ANK1: variants seen among roughly 807,000 people sequenced by gnomAD.
ANK1 encodes ankyrin 1.
Under a neutral mutation model 210.4 loss-of-function variants are expected in ANK1, and 51 were observed. The observed-to-expected ratio is 0.24, with a 90% CI of 0.19 to 0.31. The LOEUF (loss-of-function observed/expected upper bound fraction) is 0.31, where lower values mean the gene tolerates loss of function less well. Ranked by LOEUF, ANK1 falls within the 10% of genes least tolerant of loss-of-function variation. The pLI is 1.00. For missense variants in ANK1, 2,051 were observed against 2,504.4 expected, an observed-to-expected ratio of 0.82 and a Z score of 3.86; for synonymous variants, 967 against 1,025.9, an observed-to-expected ratio of 0.94 and a Z score of 1.10.
chr8:41,862,680 G>C (rs1212034963), intron 1 of ANK1, among the ~76,000 whole-genome samples: 5 of 146,500 alleles, frequency 3.4e-5, no homozygotes, highest in African/African-American at 1.3e-4. Context: ...AAAAAAAAAA[G>C]GGAAAAACTA....
chr8:41,684,978 G>A (rs547557090), intron 36 of ANK1, among the ~76,000 whole-genome samples: 2 of 152,322 alleles, frequency 1.3e-5, no homozygotes, highest in East Asian at 1.9e-4. Flanking sequence ...CTGTCACCCA[G>A]GCTGGAGTGC....
At chr8:41,851,504 C>T (rs1811240339) in intron 1 of ANK1, among the ~76,000 whole-genome samples, 2 of 152,250 alleles carry the variant, frequency 1.3e-5, no homozygotes. Flanking sequence ...CTGGGCCTCA[C>T]TTCCTGCAGT....
chr8:41,808,357 C>G (rs1038341837), intron 1 of ANK1, among the ~76,000 whole-genome samples: 2 of 152,140 alleles, frequency 1.3e-5, no homozygotes, highest in Admixed American at 1.3e-4. Context: ...GCCATGGAAC[C>G]TGGGACATGC....
At position 41,765,266 on chromosome 8, in the gene ANK1, C is replaced by T. The variant is rs144862982; in HGVS notation, c.28-7129G>A. Among the ~76,000 whole-genome samples the T allele has an allele frequency of 5.5e-3, 833 of 151,212 alleles. 8 individuals carry two copies. The highest frequency in any genetic ancestry group is 7.8e-3 in the Non-Finnish European group (530 of 67,872). ...CCATTTCTTTCTTTCAAGACAGAGTCTCCCTCTTTCTTCCAGAGTGGTCCC... is the reference window on the plus strand; with the variant it reads ...CCATTTCTTTCTTTCAAGACAGAGTTTCCCTCTTTCTTCCAGAGTGGTCCC... On this transcript the variant is annotated intron_variant, in intron 1 of 42. Coordinates refer to ENST00000289734, the MANE Select transcript of ANK1 (RefSeq NM_000037.4).
At chr8:41,852,529 G>A (rs1811451249) in intron 1 of ANK1, among the ~76,000 whole-genome samples, 1 of 152,218 alleles carries the variant, frequency 6.6e-6, no homozygotes, top group South Asian at 2.1e-4. Context: ...GGCCCCAAGT[G>A]GCCACGGTTT....
chr8:41,722,766 C>T (rs1399769927), intron 9 of ANK1, among the ~76,000 whole-genome samples: 1 of 152,244 alleles, frequency 6.6e-6, no homozygotes, highest in Non-Finnish European at 1.5e-5. Context: ...ATCTGCCCTG[C>T]CACCAGTGTT....
rs1849019064 is a variant in ANK1, at chr8:41,797,606, G to A, written c.-68C>T. The stretch of plus-strand genomic sequence containing the variant: ...TGAGGAGGAGCAGCTGGGGCTGGCG[G>A]ACTCACCGCAGCCTCTGCGGGGCCT... On this transcript the variant is annotated 5_prime_UTR_variant, in exon 1 of 43. Coordinates refer to ENST00000289734, the MANE Select transcript of ANK1 (RefSeq NM_000037.4). This position sits in a 1 kb window ranked among gnomAD's most constrained non-coding sequence, Gnocchi z 4.0. The A allele has an allele frequency of 2.5e-6, 4 of 1,605,126 alleles. No individual in the cohort carries two copies. The East Asian group carries it at 9.0e-5, about 36-fold the overall frequency.
intron 9 of ANK1, 37 bp from the exon 10 acceptor site, chr8:41,719,895 T>G: frequency 6.2e-7 from 1 of 1,608,250 alleles, no homozygotes; most frequent in Non-Finnish European, 8.5e-7. Context: ...TCACAAAGTC[T>G]TCTGGGGACC....
chr8:41,854,176 C>T (rs571407818), intron 1 of ANK1, among the ~76,000 whole-genome samples: 14 of 152,224 alleles, frequency 9.2e-5, no homozygotes, highest in South Asian at 6.2e-4. Context: ...TGTGCCAGGG[C>T]TCTGGGCACT....
At chr8:41,673,994 T>C (rs1166695091) in intron 37 of ANK1, among the ~76,000 whole-genome samples, 1 of 152,042 alleles carries the variant, frequency 6.6e-6, no homozygotes, top group Non-Finnish European at 1.5e-5. Flanking sequence ...ACCCCCAGCC[T>C]AGAGTTCAAA....
chr8:41,682,788 C>T (rs1009780100), intron 37 of ANK1, among the ~76,000 whole-genome samples: 1 of 152,204 alleles, frequency 6.6e-6, no homozygotes, highest in Non-Finnish European at 1.5e-5. Context: ...AAATCAAAAG[C>T]GTGCCCCTCT....
At chr8:41,875,945 C>A (rs1406034277) in intron 1 of ANK1, among the ~76,000 whole-genome samples, 1 of 152,034 alleles carries the variant, frequency 6.6e-6, no homozygotes, top group East Asian at 1.9e-4. Flanking sequence ...GAGGGGCCGG[C>A]GCGCGCCCGG....
chr8:41,834,333 G>A (rs921107555), intron 1 of ANK1, among the ~76,000 whole-genome samples: 36 of 152,364 alleles, frequency 2.4e-4, no homozygotes, highest in African/African-American at 8.7e-4. Context: ...GGGAGGTGAG[G>A]AAGAGGCAGG....
intron 1 of ANK1, among the ~76,000 whole-genome samples, chr8:41,883,150 C>T (rs1261369617): frequency 6.6e-6 from 1 of 152,224 alleles, no homozygotes; most frequent in African/African-American, 2.4e-5. Context: ...ACTCCCACAG[C>T]GTGTGTGGCC....
rs1563821857 is a variant in ANK1 at position 41,808,653 on chromosome 8, G to A, written c.127-50516C>T. ...TGCACTCCAGCTTGGGTGACAGAGC[G>A]AGACTCTGTCTAAAAAAATAATAAT... On this transcript the variant is annotated intron_variant, in intron 1 of 42. Transcript: ENST00000265709. 2.0e-5 allele frequency among the ~76,000 whole-genome samples: 3 copies of A among 152,072 alleles called. No individual in the cohort carries two copies. The South Asian group carries it at 6.2e-4, about 32-fold the overall frequency.
rs1848933312 is a variant in ANK1 at position 41,797,310 on chromosome 8, G to A, written c.27+202C>T. 6.6e-6 allele frequency among the ~76,000 whole-genome samples: 1 copy of A among 152,238 alleles called. No homozygotes were observed. Among genetic ancestry groups the A allele is most frequent in the African/African-American group, 2.4e-5 (1 of 41,458 alleles). On this transcript the variant is annotated intron_variant, in intron 1 of 42. Coordinates refer to ENST00000289734, the MANE Select transcript of ANK1 (RefSeq NM_000037.4). This position sits in a 1 kb window ranked among gnomAD's most constrained non-coding sequence, Gnocchi z 4.0. ...TCTGGATGTAAAAAATATGAAACTGGCTTCAGCGAGTAGGGCAGAGTCCAC... is the reference window on the plus strand; with the variant it reads ...TCTGGATGTAAAAAATATGAAACTGACTTCAGCGAGTAGGGCAGAGTCCAC...
At chr8:41,885,064 G>GA (rs538441723) in intron 1 of ANK1, among the ~76,000 whole-genome samples, 81 of 144,704 alleles carry the variant, frequency 5.6e-4, no homozygotes, top group Admixed American at 2.1e-3. Context: ...ATTTGTGTTT[G>GA]AAAAAAAAAA....
intron 2 of ANK1, among the ~76,000 whole-genome samples, chr8:41,752,155 C>A (rs943591375): frequency 5.3e-5 from 8 of 152,218 alleles, no homozygotes; most frequent in Non-Finnish European, 8.8e-5. Context: ...GTCACCTTGA[C>A]CTTCCTCCTC....
Position 41,699,392 on chromosome 8 carries a change from C to T in ANK1, c.2558+60G>A. The T allele has an allele frequency of 1.6e-5, 24 of 1,498,378 alleles. 1 individual carries two copies. In the South Asian group the frequency reaches 2.7e-4, roughly 17 times the overall value. 92.8% of individuals were successfully genotyped at this position (1,498,378 alleles called of 1,614,324 possible). A position where few individuals can be genotyped will look rare whatever the true frequency, so the allele number is the denominator to read the frequency against. ...GTCCTTCCTCCCTCTGGAATCCCTG[C>T]TCTGAGCCACAGGGTTGCATCTCGG... On this transcript the variant is annotated intron_variant, in intron 23 of 42. Coordinates refer to ENST00000289734, the MANE Select transcript of ANK1 (RefSeq NM_000037.4).
Sources: gnomAD v4.1 joint callset for allele counts (sites outside exome capture counted in the v4.1 genomes callset) on GRCh38, gnomAD v4.1.1 for gene constraint, Gnocchi (gnomAD v3.1) non-coding constraint, MANE v1.5 for transcripts, NCBI Gene and HGNC (gene_info 2026-07-23, HGNC 2026-07-21) for gene names.